ADAMTSL1: variants seen among roughly 807,000 people sequenced by gnomAD.
ADAMTSL1 encodes the protein ADAMTS-like protein 1.
ADAMTSL1 carries 126 observed loss-of-function variants against 201.8 expected under a neutral mutation model. The observed-to-expected ratio is 0.62, with a 90% confidence interval of 0.54 to 0.72. The LOEUF is 0.72. Among genes scored for constraint, ADAMTSL1 ranks in the 30% least tolerant of loss-of-function variants. The pLI, the probability that ADAMTSL1 is intolerant of heterozygous loss-of-function variation, is 0.00. For synonymous variants in ADAMTSL1, 1,121 were observed against 903.4 expected, an observed-to-expected ratio of 1.24 and a Z score of -4.32; for missense variants, 2,679 against 2,277.8, an observed-to-expected ratio of 1.18 and a Z score of -3.59.
At chr9:18,314,846 G>GAGTGC (rs981646314) in intron 2 of ADAMTSL1, among the ~76,000 whole-genome samples, 2 of 132,824 alleles carry the variant, frequency 1.5e-5, no homozygotes, top group Non-Finnish European at 3.1e-5. Context: ...GCCCAGGCTG[G>GAGTGC]AGTGCAGTGG....
chr9:18,097,954 G>GT (rs914211444), intron 1 of ADAMTSL1, among the ~76,000 whole-genome samples: 15 of 151,460 alleles, frequency 9.9e-5, no homozygotes, highest in African/African-American at 3.6e-4. Flanking sequence ...AAGTTTTATA[G>GT]TTTTAGCTTT....
intron 25 of ADAMTSL1, among the ~76,000 whole-genome samples, chr9:18,892,141 T>TATCTC: frequency 6.6e-6 from 1 of 152,388 alleles, no homozygotes; most frequent in Non-Finnish European, 1.5e-5. Context: ...AAGATAATCT[T>TATCTC]ATCTCAAGTC....
At chr9:18,649,157 A>C (rs887684092) in intron 7 of ADAMTSL1, among the ~76,000 whole-genome samples, 4 of 152,034 alleles carry the variant, frequency 2.6e-5, no homozygotes, top group South Asian at 2.1e-4. Context: ...CTGACTGATA[A>C]CCTTTCTTCC....
rs558282869 is a variant in ADAMTSL1 at position 18,674,880 on chromosome 9, C to T, written c.1086-977C>T. 5.3e-5 allele frequency among the ~76,000 whole-genome samples: 8 copies of T among 152,214 alleles called. No homozygotes were observed. In the South Asian group the frequency reaches 1.0e-3, roughly 20 times the overall value. On this transcript the variant is annotated intron_variant, in intron 9 of 28. Transcript: ENST00000380548. ...CTTGATGAAGGTGCTGTTGCACTAGCGGTCTTATCCAAAACCCATGAATCA... is the reference window on the plus strand; with the variant it reads ...CTTGATGAAGGTGCTGTTGCACTAGTGGTCTTATCCAAAACCCATGAATCA...
At chr9:18,134,923 G>A (rs534567978) in intron 1 of ADAMTSL1, among the ~76,000 whole-genome samples, 1 of 152,278 alleles carries the variant, frequency 6.6e-6, no homozygotes, top group South Asian at 2.1e-4. Context: ...TTCAATAACT[G>A]TAAGGGAGTC....
intron 23 of ADAMTSL1, among the ~76,000 whole-genome samples, chr9:18,886,162 ATGTG>A (rs558491553): frequency 2.9e-4 from 17 of 58,748 alleles, no homozygotes; most frequent in African/African-American, 9.5e-4. Context: ...GTGAGTGTGT[ATGTG>A]TATATATATA....
At chr9:18,329,911 T>G (rs189947195) in intron 2 of ADAMTSL1, among the ~76,000 whole-genome samples, 1 of 152,224 alleles carries the variant, frequency 6.6e-6, no homozygotes, top group Non-Finnish European at 1.5e-5. Flanking sequence ...TCTTGGAGTT[T>G]ACAGTTTAGT....
intron 2 of ADAMTSL1, among the ~76,000 whole-genome samples, chr9:18,252,580 T>A (rs1254266346): frequency 6.6e-6 from 1 of 152,148 alleles, no homozygotes; most frequent in Non-Finnish European, 1.5e-5. Context: ...TAAGAAATAA[T>A]GACAGGAAGA....
intron 2 of ADAMTSL1, among the ~76,000 whole-genome samples, chr9:18,318,061 A>G (rs1156242763): frequency 1.3e-5 from 2 of 152,170 alleles, no homozygotes; most frequent in Non-Finnish European, 2.9e-5. Flanking sequence ...TGTAAATTAG[A>G]CACCTCTTGG....
intron 1 of ADAMTSL1, among the ~76,000 whole-genome samples, chr9:18,117,059 C>A (rs1017756877): frequency 6.6e-6 from 1 of 152,156 alleles, no homozygotes; most frequent in Non-Finnish European, 1.5e-5. Context: ...AGCAAAGAAT[C>A]TTGTCTCTAC....
chr9:18,082,964 A>T (rs1178000824), intron 1 of ADAMTSL1, among the ~76,000 whole-genome samples: 2 of 152,246 alleles, frequency 1.3e-5, no homozygotes, highest in Non-Finnish European at 2.9e-5. Context: ...TGTCACAACC[A>T]GTACTGCCAG....
intron 2 of ADAMTSL1, among the ~76,000 whole-genome samples, chr9:18,412,446 A>G (rs1818484483): frequency 6.6e-6 from 1 of 152,192 alleles, no homozygotes; most frequent in African/African-American, 2.4e-5. Flanking sequence ...CTCTCATTCT[A>G]TCCTGAATCT....
Position 18,681,927 on chromosome 9 carries a change from G to T in ADAMTSL1, c.1457G>T (p.Cys486Phe). The change falls in exon 12 of 29, where the codon TGC becomes TTC. Residue 486 changes from cysteine (C) to phenylalanine (F), a missense_variant. Transcript: ENST00000380548. ...PKTKPHIKEECIVPTPCYKPK... is the reference protein window; with the variant it reads ...PKTKPHIKEEFIVPTPCYKPK... ...ACAAAGCCCCACATAAAAGAGGAAT[G>T]CATCGTACCCACTCCCTGCTATAAA... 6.2e-7 allele frequency: 1 copy of T among 1,614,144 alleles called. No homozygotes were observed. The highest frequency in any genetic ancestry group is 8.5e-7 in the Non-Finnish European group (1 of 1,180,010).
intron 1 of ADAMTSL1, among the ~76,000 whole-genome samples, chr9:18,080,170 G>A (rs76968627): frequency 0.015 from 2,266 of 152,312 alleles, 25 homozygotes; most frequent in Middle Eastern, 0.051. Flanking sequence ...GATTAAGCTG[G>A]AAATAGATGA....
intron 21 of ADAMTSL1, among the ~76,000 whole-genome samples, chr9:18,824,845 C>A (rs867847721): frequency 2.4e-4 from 37 of 151,830 alleles, no homozygotes; most frequent in South Asian, 6.3e-4. Flanking sequence ...TTACAGGTGC[C>A]CACCACCATG....
intron 2 of ADAMTSL1, among the ~76,000 whole-genome samples, chr9:18,290,024 A>G (rs777519524): frequency 1.3e-5 from 2 of 152,186 alleles, no homozygotes; most frequent in Non-Finnish European, 2.9e-5. Flanking sequence ...AGGTTCAAAG[A>G]GGATAATTTT....
chr9:18,652,664 A>G (rs79027532), intron 7 of ADAMTSL1, among the ~76,000 whole-genome samples: 5,683 of 152,304 alleles, frequency 0.037, 119 homozygotes, highest in African/African-American at 0.052. Context: ...AGCCCAGCAC[A>G]TTTAAGGTAG....
intron 2 of ADAMTSL1, among the ~76,000 whole-genome samples, chr9:18,378,526 G>A (rs969510574): frequency 6.6e-6 from 1 of 152,224 alleles, no homozygotes; most frequent in Non-Finnish European, 1.5e-5. Context: ...ACAGAAAAAT[G>A]TCTTTGCTGA....
intron 19 of ADAMTSL1, among the ~76,000 whole-genome samples, chr9:18,788,055 C>G (rs751381769): frequency 1.3e-5 from 2 of 152,178 alleles, no homozygotes; most frequent in African/African-American, 2.4e-5. Flanking sequence ...TCTGAGCAAT[C>G]ATGAAGCTTC....
Sources: allele counts gnomAD v4.1 joint callset (sites outside exome capture counted in the v4.1 genomes callset), GRCh38; gene constraint gnomAD v4.1.1; transcripts MANE v1.5; gene names NCBI Gene and HGNC (gene_info 2026-07-23, HGNC 2026-07-21).